The following CFAP20DC variants were observed in gnomAD, a reference collection of about 807,000 sequenced individuals.
CFAP20DC encodes the protein CFAP20 domain containing.
Under a neutral mutation model 101.7 loss-of-function variants are expected in CFAP20DC, and 84 were observed. The observed-to-expected ratio is 0.83, with a 90% CI of 0.69 to 0.99. The LOEUF is 0.99. Ranked by LOEUF, CFAP20DC falls within the 50% of genes least tolerant of loss-of-function variation. The probability of loss-of-function intolerance (pLI) is 0.00; values close to 1 mark genes in which losing one functional copy is unlikely to be tolerated. For synonymous variants in CFAP20DC, 359 were observed against 351.2 expected (o/e 1.02, Z -0.25); for missense variants, 1,007 against 970.3 (o/e 1.04, Z -0.50).
rs1039759411 is a variant in CFAP20DC at position 58,724,970 on chromosome 3, A to G, written c.198-7342T>C. Among the ~76,000 whole-genome samples the G allele has an allele frequency of 2.0e-5, 3 of 152,036 alleles. No homozygotes were observed. The highest frequency in any genetic ancestry group is 7.3e-5 in the African/African-American group (3 of 41,376). On this transcript the variant is annotated intron_variant, in intron 3 of 3. Coordinates refer to the CFAP20DC transcript ENST00000486145. This position sits in a 1 kb window ranked among gnomAD's most constrained non-coding sequence, Gnocchi z 5.6. ...GAGGTAGGGGAGCAGAGGTTCTGCT[A>G]TTATTACTTTGGAGGGGACCACCGA...
intron 4 of CFAP20DC, among the ~76,000 whole-genome samples, chr3:59,036,076 AG>A (rs1163070964): frequency 6.6e-6 from 1 of 152,242 alleles, no homozygotes; most frequent in Admixed American, 6.5e-5. Flanking sequence ...GATGCAGAAA[AG>A]GCCTTCGATA....
chr3:58,997,954 A>G (rs946008291), intron 4 of CFAP20DC, among the ~76,000 whole-genome samples: 2 of 152,208 alleles, frequency 1.3e-5, no homozygotes, highest in African/African-American at 4.8e-5. Context: ...CAGTACGTAA[A>G]TTTATCCTAC....
intron 4 of CFAP20DC, among the ~76,000 whole-genome samples, chr3:58,989,471 C>G (rs1419866509): frequency 2.6e-5 from 4 of 151,976 alleles, no homozygotes; most frequent in Admixed American, 6.6e-5. Flanking sequence ...CTGAAGTATG[C>G]AAAGATGACA....
At chr3:59,047,063 G>C in intron 2 of CFAP20DC, 102 bp downstream of exon 2, 1 of 747,926 alleles carries the variant, frequency 1.3e-6, no homozygotes, top group Non-Finnish European at 2.2e-6. Flanking sequence ...TGGAGTGAAA[G>C]AACAGGAAAA....
intron 7 of CFAP20DC, among the ~76,000 whole-genome samples, chr3:58,873,761 A>G (rs2080485727): frequency 6.6e-6 from 1 of 151,814 alleles, no homozygotes; most frequent in Non-Finnish European, 1.5e-5. Flanking sequence ...AGAAGTCTGG[A>G]TAGCTGTTCT....
At chr3:58,754,098 C>T (rs1015099977) in intron 15 of CFAP20DC, among the ~76,000 whole-genome samples, 11 of 152,148 alleles carry the variant, frequency 7.2e-5, no homozygotes, top group African/African-American at 2.7e-4. Context: ...ATATTCCACT[C>T]AAAAGTTTAT....
chr3:58,873,690 G>A (rs1015614131), intron 7 of CFAP20DC, among the ~76,000 whole-genome samples: 4 of 151,948 alleles, frequency 2.6e-5, no homozygotes, highest in African/African-American at 9.7e-5. Flanking sequence ...ATGCTGTCAG[G>A]CAGGTGCTCA....
chr3:58,832,330 T>C (rs889550670), intron 13 of CFAP20DC, among the ~76,000 whole-genome samples: 1 of 152,152 alleles, frequency 6.6e-6, no homozygotes, highest in Non-Finnish European at 1.5e-5. Context: ...GTTTCTGGAG[T>C]TGGCAGGTTT....
intron 14 of CFAP20DC, among the ~76,000 whole-genome samples, chr3:58,829,275 C>T (rs545379968): frequency 1.6e-4 from 23 of 144,928 alleles, no homozygotes; most frequent in Non-Finnish European, 3.0e-4. Flanking sequence ...GAGCCAAGAT[C>T]GAGCCACTGC....
intron 7 of CFAP20DC, among the ~76,000 whole-genome samples, chr3:58,876,611 C>T (rs941772038): frequency 6.6e-6 from 1 of 152,010 alleles, no homozygotes; most frequent in East Asian, 1.9e-4. Flanking sequence ...GGGTACATGC[C>T]TTTGTAGTTA....
chr3:59,022,836 A>G (rs577840769), intron 4 of CFAP20DC, among the ~76,000 whole-genome samples: 67 of 152,278 alleles, frequency 4.4e-4, no homozygotes, highest in African/African-American at 1.5e-3. Flanking sequence ...ATTCAAACTC[A>G]GAGTTTTTAT....
intron 7 of CFAP20DC, among the ~76,000 whole-genome samples, chr3:58,884,104 T>G (rs1304486282): frequency 6.6e-6 from 1 of 152,146 alleles, no homozygotes; most frequent in Non-Finnish European, 1.5e-5. Context: ...GGCCTGCCTT[T>G]TTGAAAGGCA....
intron 4 of CFAP20DC, among the ~76,000 whole-genome samples, chr3:59,010,029 C>T (rs367802193): frequency 6.6e-6 from 1 of 152,004 alleles, no homozygotes; most frequent in African/African-American, 2.4e-5. Flanking sequence ...CCACTACCAA[C>T]CCAGTACTAC....
At position 58,949,477 on chromosome 3, in the gene CFAP20DC, T is replaced by C. The variant is rs537325937; in HGVS notation, c.279-11715A>G. 2.1e-4 allele frequency among the ~76,000 whole-genome samples: 32 copies of C among 152,294 alleles called. No individual in the cohort carries two copies. In the South Asian group the frequency reaches 6.6e-3, roughly 32 times the overall value. ...TGAATGCGTCCCAGAGATTCTGGTA[T>C]GTTGTGTCTTTGTTCTCGTTGGTTT... On this transcript the variant is annotated intron_variant, in intron 4 of 16. Transcript: ENST00000482387.
chr3:58,992,225 G>A (rs1284903466), intron 4 of CFAP20DC, among the ~76,000 whole-genome samples: 2 of 152,134 alleles, frequency 1.3e-5, no homozygotes, highest in African/African-American at 2.4e-5. Flanking sequence ...TACCCAGTGC[G>A]ATTCTAAGAT....
At chr3:58,806,724 G>A (rs1315921217) in intron 14 of CFAP20DC, among the ~76,000 whole-genome samples, 1 of 152,232 alleles carries the variant, frequency 6.6e-6, no homozygotes, top group East Asian at 1.9e-4. Context: ...GTGCAGGACA[G>A]TGGGTGCAGC....
At chr3:59,042,280 A>T (rs1699460047) in intron 3 of CFAP20DC, among the ~76,000 whole-genome samples, 2 of 152,068 alleles carry the variant, frequency 1.3e-5, no homozygotes, top group South Asian at 2.1e-4. Flanking sequence ...ACAGAAGAGG[A>T]AATGCAGCAG....
At chr3:58,842,580 C>G (rs1438612727) in intron 13 of CFAP20DC, among the ~76,000 whole-genome samples, 2 of 152,136 alleles carry the variant, frequency 1.3e-5, no homozygotes, top group Non-Finnish European at 2.9e-5. Flanking sequence ...CGGCAGCGAG[C>G]TGGGGGAGGG....
At chr3:58,801,966 T>C (rs1316210925) in intron 15 of CFAP20DC, among the ~76,000 whole-genome samples, 1 of 152,238 alleles carries the variant, frequency 6.6e-6, no homozygotes, top group Non-Finnish European at 1.5e-5. Flanking sequence ...GTATATTATA[T>C]ATTTCCATGA....
Sources: allele counts gnomAD v4.1 joint callset (sites outside exome capture counted in the v4.1 genomes callset), GRCh38; gene constraint gnomAD v4.1.1; non-coding constraint Gnocchi (gnomAD v3.1); transcripts MANE v1.5; gene names NCBI Gene and HGNC (gene_info 2026-07-23, HGNC 2026-07-21).